Variants in PTPRA observed in about 807,000 individuals in gnomAD.
The protein encoded by PTPRA is receptor-type tyrosine-protein phosphatase alpha.
In PTPRA, 25 loss-of-function variants were observed where a neutral mutation model predicts 104.8. The observed-to-expected ratio is 0.24, with a 90% CI of 0.17 to 0.33. PTPRA has a LOEUF of 0.33. PTPRA is among the 10% of genes least tolerant of loss of function. The probability of loss-of-function intolerance (pLI) is 1.00; values close to 1 mark genes in which losing one functional copy is unlikely to be tolerated. For missense variants in PTPRA, 765 were observed against 1,015.3 expected, an observed-to-expected ratio of 0.75 and a Z score of 3.35; for synonymous variants, 323 against 368.9, an observed-to-expected ratio of 0.88 and a Z score of 1.43.
At chr20:3,027,372 G>A (rs1035494619) in intron 19 of PTPRA, among the ~76,000 whole-genome samples, 175 bp downstream of exon 19, 56 of 151,984 alleles carry the variant, frequency 3.7e-4, no homozygotes, top group African/African-American at 1.1e-3. Context: ...CAGCTCCATA[G>A]AGCAGAAGGT....
intron 1 of PTPRA, among the ~76,000 whole-genome samples, chr20:2,899,409 G>T (rs948330135): frequency 1.3e-5 from 2 of 152,118 alleles, no homozygotes; most frequent in Non-Finnish European, 2.9e-5. Context: ...CACCAGGGTG[G>T]GTCAGGAGGC....
In PTPRA at chr20:2,957,567, ATCT is replaced by A. The variant is rs567966222; in HGVS notation, c.-6-6700_-6-6698del. 6.8e-4 allele frequency among the ~76,000 whole-genome samples: 104 copies of A among 152,320 alleles called. No homozygotes were observed. The South Asian group carries it at 0.021, about 31-fold the overall frequency. On this transcript the variant is annotated intron_variant, in intron 3 of 23. Transcript: ENST00000399903. Reference sequence around the variant, plus strand: ...TGATGTAGATGCAAAGAAATTTTTCATCTTCTTTGAAAACTTAATTGTGTTAAA... The same window carrying A: ...TGATGTAGATGCAAAGAAATTTTTCATCTTTGAAAACTTAATTGTGTTAAA...
chr20:2,881,456 A>G (rs1029660133), intron 1 of PTPRA, among the ~76,000 whole-genome samples: 2 of 152,204 alleles, frequency 1.3e-5, no homozygotes, highest in Non-Finnish European at 2.9e-5. Flanking sequence ...AAGATAAAGG[A>G]TATTCCATCA....
intron 3 of PTPRA, chr20:2,955,797 T>A: frequency 1.9e-6 from 1 of 520,046 alleles, no homozygotes; most frequent in Non-Finnish European, 2.5e-6. Flanking sequence ...CTTTTGTCAC[T>A]CATAGAGCTG....
At chr20:2,962,454 C>G (rs1483749468) in intron 3 of PTPRA, among the ~76,000 whole-genome samples, 2 of 152,162 alleles carry the variant, frequency 1.3e-5, no homozygotes, top group African/African-American at 4.8e-5. Context: ...GTCTAACTCC[C>G]TCCTCTCAAA....
chr20:2,865,831 G>T, the PTPRA span: 1 of 463,288 alleles, frequency 2.2e-6, no homozygotes, highest in South Asian at 2.4e-5. This position sits in a 1 kb window ranked among gnomAD's most constrained non-coding sequence, Gnocchi z 5.2. Context: ...AGGCAGTGGA[G>T]ATACTGAGGG....
intron 5 of PTPRA, among the ~76,000 whole-genome samples, chr20:2,966,886 A>G (rs2061966781): frequency 6.6e-6 from 1 of 152,176 alleles, no homozygotes; most frequent in African/African-American, 2.4e-5. Context: ...AATTTTAGTA[A>G]CAACATAAAA....
At chr20:2,997,291 C>A (rs553436783) in intron 9 of PTPRA, among the ~76,000 whole-genome samples, 1 of 152,076 alleles carries the variant, frequency 6.6e-6, no homozygotes, top group East Asian at 1.9e-4. Context: ...TAATAGGGAA[C>A]TTTGTTTTCT....
Position 3,021,268 on chromosome 20 carries a change from G to A in PTPRA, c.1042-41G>A, listed in dbSNP as rs761739543. 159 of 1,612,192 alleles carry A rather than the reference G, an allele frequency of 9.9e-5. No homozygotes were observed. The Middle Eastern group carries it at 3.3e-3, about 33-fold the overall frequency. ...AGGCCCTTTGCATCTGCCATGGGCAGGAGGTCTAAGGTCAGGGAATGTATG... is the reference window on the plus strand; with the variant it reads ...AGGCCCTTTGCATCTGCCATGGGCAAGAGGTCTAAGGTCAGGGAATGTATG... On this transcript the variant is annotated intron_variant, in intron 13 of 23. Coordinates refer to ENST00000399903, the MANE Select transcript of PTPRA (RefSeq NM_001385305.1).
At chr20:2,881,347 A>G (rs1156995400) in intron 1 of PTPRA, among the ~76,000 whole-genome samples, 1 of 152,134 alleles carries the variant, frequency 6.6e-6, no homozygotes, top group Non-Finnish European at 1.5e-5. Flanking sequence ...TGAGATATTA[A>G]ATAATAAAAT....
intron 1 of PTPRA, among the ~76,000 whole-genome samples, chr20:2,876,734 A>T (rs1351850703): frequency 1.3e-5 from 2 of 152,136 alleles, no homozygotes; most frequent in Non-Finnish European, 2.9e-5. Context: ...TGCATTTTTG[A>T]TTTGCAGACA....
intron 3 of PTPRA, among the ~76,000 whole-genome samples, chr20:2,961,516 C>T (rs1419313763): frequency 1.3e-5 from 2 of 152,084 alleles, no homozygotes; most frequent in Non-Finnish European, 2.9e-5. Context: ...AATTCTCTGT[C>T]CTTTGTCAGA....
chr20:2,921,323 T>C (rs1231295247), intron 1 of PTPRA, among the ~76,000 whole-genome samples: 18 of 30,130 alleles, frequency 6.0e-4, no homozygotes, highest in Non-Finnish European at 8.5e-4. Context: ...GGGAATGCGC[T>C]TTTTTTTTTT....
chr20:2,995,291 C>G (rs1010787843), intron 9 of PTPRA, among the ~76,000 whole-genome samples: 8 of 151,846 alleles, frequency 5.3e-5, no homozygotes, highest in African/African-American at 1.9e-4. Context: ...TACTTTTTTT[C>G]CCCCGCTGTA....
intron 1 of PTPRA, among the ~76,000 whole-genome samples, chr20:2,910,357 T>TATATAATATATTTTGTATA (rs1313051827): frequency 8.0e-6 from 1 of 124,786 alleles, no homozygotes; most frequent in African/African-American, 3.4e-5. Context: ...TATTATATAT[T>TATATAATATATTTTGTATA]TTATATATAA....
chr20:2,927,142 C>G (rs2060330346), intron 2 of PTPRA, among the ~76,000 whole-genome samples: 1 of 151,866 alleles, frequency 6.6e-6, no homozygotes, highest in African/African-American at 2.4e-5. Context: ...ATCTCCTGAC[C>G]TCATGATCGC....
intron 11 of PTPRA, among the ~76,000 whole-genome samples, chr20:3,015,031 C>T (rs976678130): frequency 1.3e-5 from 2 of 152,196 alleles, no homozygotes; most frequent in African/African-American, 4.8e-5. Flanking sequence ...ATAGAGAAGC[C>T]TCTTGTTAAA....
intron 10 of PTPRA, among the ~76,000 whole-genome samples, chr20:3,007,023 A>T (rs2148313053): frequency 6.6e-6 from 1 of 152,298 alleles, no homozygotes; most frequent in Non-Finnish European, 1.5e-5. Context: ...ATTTTTTAAT[A>T]TGATTGGTAT....
intron 6 of PTPRA, among the ~76,000 whole-genome samples, chr20:2,979,509 C>G (rs951084727): frequency 6.6e-6 from 1 of 152,150 alleles, no homozygotes; most frequent in Non-Finnish European, 1.5e-5. Flanking sequence ...TATATCAGTT[C>G]TCCTATTTAG....
Sources: gnomAD v4.1 joint callset for allele counts (sites outside exome capture counted in the v4.1 genomes callset) on GRCh38, gnomAD v4.1.1 for gene constraint, Gnocchi (gnomAD v3.1) non-coding constraint, MANE v1.5 for transcripts, NCBI Gene and HGNC (gene_info 2026-07-23, HGNC 2026-07-21) for gene names.